The following FAT3 variants were observed in gnomAD, a reference collection of about 807,000 sequenced individuals.
FAT3 encodes FAT atypical cadherin 3, also known as protocadherin Fat 3.
Under a neutral mutation model 310.2 loss-of-function variants are expected in FAT3, and 95 were observed. The ratio of observed to expected loss-of-function variants is 0.31; its 90% CI spans 0.26 to 0.36. The LOEUF is 0.36. Among genes scored for constraint, FAT3 ranks in the 10% least tolerant of loss-of-function variants. FAT3 has a pLI of 1.00. For synonymous variants in FAT3, 2,314 were observed against 2,192.9 expected, an observed-to-expected ratio of 1.06 and a Z score of -1.54; for missense variants, 5,408 against 5,715.6, an observed-to-expected ratio of 0.95 and a Z score of 1.74.
intron 3 of FAT3, among the ~76,000 whole-genome samples, chr11:92,616,025 G>A (rs1420505863): frequency 7.2e-5 from 11 of 151,940 alleles, no homozygotes; most frequent in Non-Finnish European, 2.9e-5. Flanking sequence ...CAATTCCTGG[G>A]TATCCTTGTT....
intron 2 of FAT3, among the ~76,000 whole-genome samples, chr11:92,442,334 C>T (rs1184484693): frequency 3.3e-5 from 5 of 149,774 alleles, no homozygotes; most frequent in Non-Finnish European, 7.4e-5. Flanking sequence ...AGGATGGTCT[C>T]GATCTCCTGA....
chr11:92,544,296 C>T (rs985531770), intron 3 of FAT3, among the ~76,000 whole-genome samples: 9 of 151,994 alleles, frequency 5.9e-5, no homozygotes, highest in East Asian at 3.9e-4. Context: ...ACCTGGTGTT[C>T]GATAGATTGT....
intron 3 of FAT3, among the ~76,000 whole-genome samples, chr11:92,625,439 C>G (rs1047388319): frequency 2.0e-5 from 3 of 152,096 alleles, no homozygotes; most frequent in African/African-American, 4.8e-5. Context: ...TTCAACTCCC[C>G]CTGCCCAAGA....
At chr11:92,810,443 G>A (rs1027816485) in intron 13 of FAT3, among the ~76,000 whole-genome samples, 7 of 152,164 alleles carry the variant, frequency 4.6e-5, no homozygotes, top group African/African-American at 1.7e-4. Flanking sequence ...AGGCTATGTT[G>A]TGAAGCAAGG....
At chr11:92,681,134 T>A (rs2135857242) in intron 3 of FAT3, among the ~76,000 whole-genome samples, 1 of 152,372 alleles carries the variant, frequency 6.6e-6, no homozygotes, top group East Asian at 1.9e-4. Flanking sequence ...AGCTGCCATG[T>A]ATATGACAAT....
intron 21 of FAT3, among the ~76,000 whole-genome samples, chr11:92,860,355 A>G (rs145517091): frequency 2.0e-5 from 3 of 152,302 alleles, no homozygotes; most frequent in East Asian, 1.9e-4. Flanking sequence ...CTCTCACTCC[A>G]TGCCGTTAAT....
At position 92,883,450 on chromosome 11, in the gene FAT3, G is replaced by T. The variant is rs1949724256; in HGVS notation, c.12937+57G>T. 4 of 1,544,568 alleles carry T rather than the reference G, an allele frequency of 2.6e-6. No individual in the cohort carries two copies. Among genetic ancestry groups the T allele is most frequent in the South Asian group, 2.5e-5 (2 of 80,976 alleles). On this transcript the variant is annotated intron_variant, in intron 24 of 27. Transcript: ENST00000525166. The surrounding 1 kb of genome is among the most constrained non-coding windows in gnomAD (Gnocchi z 4.2). ...GTGCTTACAGGGAACCTGCAGGGGC[G>T]CTGTGCGAGGACGCTACGGGAAGGG...
At chr11:92,476,110 G>A (rs1415850433) in intron 2 of FAT3, among the ~76,000 whole-genome samples, 1 of 151,942 alleles carries the variant, frequency 6.6e-6, no homozygotes, top group African/African-American at 2.4e-5. Context: ...AGTGTGTGCA[G>A]GGGAAGGGAG....
At chr11:92,313,848 G>A (rs561184045) in intron 1 of FAT3, among the ~76,000 whole-genome samples, 5 of 152,326 alleles carry the variant, frequency 3.3e-5, no homozygotes, top group South Asian at 4.1e-4. Context: ...ATGGGCCACC[G>A]CACCCGGCCT....
intron 22 of FAT3, among the ~76,000 whole-genome samples, chr11:92,867,704 C>G (rs932365364): frequency 9.2e-5 from 14 of 151,864 alleles, no homozygotes; most frequent in African/African-American, 3.4e-4. Context: ...AGCTGTCCCC[C>G]AGGAATAGGA....
chr11:92,751,682 A>G (rs1404305355), intron 4 of FAT3, among the ~76,000 whole-genome samples: 1 of 152,134 alleles, frequency 6.6e-6, no homozygotes, highest in Non-Finnish European at 1.5e-5. Context: ...CAAAGGAGGA[A>G]AAGGAGGCTT....
At chr11:92,646,475 T>G (rs1173259281) in intron 3 of FAT3, among the ~76,000 whole-genome samples, 1 of 152,214 alleles carries the variant, frequency 6.6e-6, no homozygotes, top group Non-Finnish European at 1.5e-5. Flanking sequence ...ATTAGACTCT[T>G]CTTCTCCATG....
chr11:92,652,900 C>T (rs992818553), intron 3 of FAT3, among the ~76,000 whole-genome samples: 2 of 152,294 alleles, frequency 1.3e-5, no homozygotes, highest in Admixed American at 1.3e-4. Context: ...CAGTGGCTCA[C>T]GCCTGTAATC....
chr11:92,780,802 T>C (rs1946725737), intron 7 of FAT3, among the ~76,000 whole-genome samples: 1 of 152,138 alleles, frequency 6.6e-6, no homozygotes, highest in South Asian at 2.1e-4. Context: ...AGCAAAATAC[T>C]TCAGCCTTCT....
rs781285248 is a variant in FAT3 at position 92,799,863 on chromosome 11, C to A, written c.6850C>A (p.Pro2284Thr). The part of the protein sequence containing the change: ...DLLVNDVNDN[P>T]PIFDQPTYNT... ...GCTAGTTAATGATGTAAATGACAAC[C>A]CCCCTATTTTCGATCAGCCTACATA... The change falls in exon 10 of 28, where the codon CCC becomes ACC. Residue 2284 changes from proline to threonine, a missense_variant. Around this residue, in one of 5 missense-constraint regions of FAT3, gnomAD observed 4,588 missense variants for 4,809.8 expected, o/e 0.95. Coordinates refer to ENST00000525166, the MANE Select transcript of FAT3 (RefSeq NM_001367949.2). 4 of 1,613,318 alleles carry A rather than the reference C, an allele frequency of 2.5e-6. No individual in the cohort carries two copies. The South Asian group carries it at 4.4e-5, about 18-fold the overall frequency.
intron 2 of FAT3, among the ~76,000 whole-genome samples, chr11:92,426,602 A>G (rs1237017724): frequency 6.6e-6 from 1 of 152,192 alleles, no homozygotes; most frequent in African/African-American, 2.4e-5. Context: ...ATGGCTAGCC[A>G]GTTTTCCCAA....
chr11:92,809,776 C>T, intron 12 of FAT3, 67 bp from the exon 13 acceptor site: 1 of 1,233,164 alleles, frequency 8.1e-7, no homozygotes, highest in African/African-American at 1.5e-5. Context: ...ATAATTGGTC[C>T]TCTGCTCTCC....
At chr11:92,731,114 ATCC>A (rs1268280776) in intron 4 of FAT3, among the ~76,000 whole-genome samples, 1 of 152,176 alleles carries the variant, frequency 6.6e-6, no homozygotes, top group East Asian at 1.9e-4. Flanking sequence ...AACACCCTTT[ATCC>A]TCCTCCTAAA....
At position 92,500,843 on chromosome 11, in the gene FAT3, G is replaced by C. The variant is rs149548447; in HGVS notation, c.3293-23791G>C. Among the ~76,000 whole-genome samples the C allele has an allele frequency of 4.0e-3, 609 of 152,102 alleles. 13 individuals are homozygous for C. The highest frequency in any genetic ancestry group is 0.029 in the Admixed American group (438 of 15,248). Reference sequence around the variant, plus strand: ...ATACTTTAATCACATAGTAAAAACAGTTTTAGTCTACTGCCTACTTTAGAT... The same window carrying C: ...ATACTTTAATCACATAGTAAAAACACTTTTAGTCTACTGCCTACTTTAGAT... On this transcript the variant is annotated intron_variant, in intron 2 of 27. Transcript: ENST00000525166.
Sources: allele counts gnomAD v4.1 joint callset (sites outside exome capture counted in the v4.1 genomes callset), GRCh38; gene constraint gnomAD v4.1.1; regional missense constraint gnomAD v4.1.1; non-coding constraint Gnocchi (gnomAD v3.1); transcripts MANE v1.5; gene names NCBI Gene and HGNC (gene_info 2026-07-23, HGNC 2026-07-21).